Variants in MPHOSPH9 observed in about 807,000 individuals in gnomAD.
MPHOSPH9 encodes M-phase phosphoprotein 9.
Under a neutral mutation model 145.5 loss-of-function variants are expected in MPHOSPH9, and 88 were observed. The ratio of observed to expected loss-of-function variants is 0.60; its 90% confidence interval spans 0.51 to 0.72. MPHOSPH9 has a LOEUF of 0.72. Among genes scored for constraint, MPHOSPH9 ranks in the 30% least tolerant of loss-of-function variants. MPHOSPH9 has a pLI of 0.00. For missense variants in MPHOSPH9, 1,238 were observed against 1,386.6 expected (o/e 0.89, Z 1.70); for synonymous variants, 435 against 486.2 (o/e 0.89, Z 1.39).
chr12:123,179,777 C>A, intron 15 of MPHOSPH9, 149 bp downstream of exon 15: 7 of 359,832 alleles, frequency 1.9e-5, no homozygotes, highest in Non-Finnish European at 3.1e-5. Flanking sequence ...AAAATGAAAC[C>A]TATTTCCATG....
Sources: gnomAD v4.1 joint callset for allele counts on GRCh38, gnomAD v4.1.1 for gene constraint, MANE v1.5 for transcripts, NCBI Gene and HGNC (gene_info 2026-07-23, HGNC 2026-07-21) for gene names.